The following STXBP5L variants were observed in gnomAD, a reference collection of about 807,000 sequenced individuals.
The protein encoded by STXBP5L is syntaxin binding protein 5L.
A neutral mutation model predicts 144.5 loss-of-function variants in STXBP5L; 65 were observed. That is an observed-to-expected ratio of 0.45 (90% CI 0.37 to 0.55). STXBP5L has a LOEUF of 0.55. Ranked by LOEUF, STXBP5L falls within the 20% of genes least tolerant of loss-of-function variation. The pLI, the probability that STXBP5L is intolerant of heterozygous loss-of-function variation, is 0.00. For synonymous variants in STXBP5L, 505 were observed against 469.6 expected (o/e 1.08, Z -0.97); for missense variants, 1,298 against 1,405.5 (o/e 0.92, Z 1.22).
At chr3:121,193,788 A>G (rs1315389820) in intron 9 of STXBP5L, among the ~76,000 whole-genome samples, 1 of 152,118 alleles carries the variant, frequency 6.6e-6, no homozygotes, top group Non-Finnish European at 1.5e-5. Flanking sequence ...ACACTTGGAC[A>G]CAGGACAGGG....
chr3:121,396,216 G>A (rs2046726370), intron 22 of STXBP5L, among the ~76,000 whole-genome samples: 1 of 152,200 alleles, frequency 6.6e-6, no homozygotes, highest in African/African-American at 2.4e-5. Context: ...TATCTGCAGT[G>A]TTCCATATTC....
At chr3:121,223,194 C>G (rs1413196877) in intron 11 of STXBP5L, 37 bp downstream of exon 11, 2 of 1,551,504 alleles carry the variant, frequency 1.3e-6, no homozygotes, top group South Asian at 2.5e-5. Flanking sequence ...TGTTGAAAAT[C>G]ATTTTGGAAA....
intron 9 of STXBP5L, among the ~76,000 whole-genome samples, chr3:121,176,753 C>A (rs2046953257): frequency 6.6e-6 from 1 of 151,422 alleles, no homozygotes. Flanking sequence ...ATAAGGGTGA[C>A]TGAGAAAAGG....
intron 20 of STXBP5L, among the ~76,000 whole-genome samples, chr3:121,350,842 A>T (rs566882764): frequency 3.0e-4 from 45 of 152,070 alleles, no homozygotes; most frequent in Admixed American, 1.2e-3. Context: ...TCCATTGGTT[A>T]TTCTAGTAGC....
intron 17 of STXBP5L, 37 bp downstream of exon 17, chr3:121,257,370 T>C: frequency 6.5e-7 from 1 of 1,539,720 alleles, no homozygotes; most frequent in Non-Finnish European, 8.9e-7. Flanking sequence ...CAATTTTAGA[T>C]ATTAATCATA....
chr3:120,936,328 GT>G (rs1411110153), intron 2 of STXBP5L, among the ~76,000 whole-genome samples: 1 of 152,110 alleles, frequency 6.6e-6, no homozygotes, highest in African/African-American at 2.4e-5. Flanking sequence ...GTCTGATGCA[GT>G]TTTTGACACT....
intron 8 of STXBP5L, among the ~76,000 whole-genome samples, chr3:121,156,763 A>G (rs1337811488): frequency 1.3e-5 from 2 of 151,940 alleles, no homozygotes; most frequent in Non-Finnish European, 2.9e-5. Flanking sequence ...TAATACAAAT[A>G]AAAAGACAGT....
At chr3:121,008,581 A>C (rs1944528048) in intron 3 of STXBP5L, among the ~76,000 whole-genome samples, 1 of 152,028 alleles carries the variant, frequency 6.6e-6, no homozygotes, top group Admixed American at 6.6e-5. Context: ...CCTCATCTTG[A>C]ATAATAACAC....
chr3:121,187,361 T>G (rs2047431475), intron 9 of STXBP5L, among the ~76,000 whole-genome samples: 1 of 121,520 alleles, frequency 8.2e-6, no homozygotes, highest in Non-Finnish European at 1.6e-5. Flanking sequence ...AGAGAACACA[T>G]GGACACAGGA....
At chr3:121,245,095 TAAC>T (rs1203453586) in intron 14 of STXBP5L, among the ~76,000 whole-genome samples, 1 of 152,042 alleles carries the variant, frequency 6.6e-6, no homozygotes, top group Non-Finnish European at 1.5e-5. Context: ...ATTTAAACAA[TAAC>T]AACATAAAAA....
In STXBP5L at chr3:121,078,858, C is replaced by T. The variant is rs535927665; in HGVS notation, c.470+33323C>T. Among the ~76,000 whole-genome samples the T allele has an allele frequency of 9.6e-4, 147 of 152,376 alleles. 1 individual carries two copies. Among genetic ancestry groups the T allele is most frequent in the African/African-American group, 3.0e-3 (125 of 41,594 alleles). On this transcript the variant is annotated intron_variant, in intron 5 of 26. Coordinates refer to ENST00000471454, the MANE Select transcript of STXBP5L (RefSeq NM_001308330.2). ...GGCCGGCTGCTCTGAGTGCGGGGCC[C>T]GCCAAGCCCATGCCCACCCAGAACT...
intron 7 of STXBP5L, among the ~76,000 whole-genome samples, chr3:121,131,154 A>G (rs1283910696): frequency 6.6e-6 from 1 of 152,134 alleles, no homozygotes; most frequent in Non-Finnish European, 1.5e-5. Flanking sequence ...TAATCAAGAA[A>G]AACAGGGAGA....
intron 5 of STXBP5L, among the ~76,000 whole-genome samples, chr3:121,111,877 G>T (rs959233098): frequency 6.6e-6 from 1 of 152,158 alleles, no homozygotes; most frequent in Admixed American, 6.5e-5. Flanking sequence ...CTCCTGCAAG[G>T]GGCTCTATCC....
At chr3:121,122,500 A>C (rs2044512701) in intron 7 of STXBP5L, among the ~76,000 whole-genome samples, 1 of 151,420 alleles carries the variant, frequency 6.6e-6, no homozygotes, top group South Asian at 2.1e-4. Flanking sequence ...AAAGAAATAC[A>C]GTGTTATATT....
intron 5 of STXBP5L, among the ~76,000 whole-genome samples, chr3:121,113,124 G>C (rs973122524): frequency 6.6e-6 from 1 of 152,148 alleles, no homozygotes; most frequent in African/African-American, 2.4e-5. Flanking sequence ...TCAAGGAATA[G>C]TTCTAGTTCT....
At chr3:121,158,776 G>C (rs1381622978) in intron 9 of STXBP5L, 1 of 152,086 alleles carries the variant, frequency 6.6e-6, no homozygotes, top group Non-Finnish European at 1.5e-5. Flanking sequence ...TATAATATGA[G>C]CTAGTCATAA....
chr3:121,095,191 C>T (rs955817750), intron 5 of STXBP5L, among the ~76,000 whole-genome samples: 2 of 152,112 alleles, frequency 1.3e-5, no homozygotes, highest in African/African-American at 4.8e-5. Flanking sequence ...TGTGGGTAAC[C>T]CGACCTCTCT....
chr3:121,096,301 T>C (rs1456167638), intron 5 of STXBP5L, among the ~76,000 whole-genome samples: 2 of 152,232 alleles, frequency 1.3e-5, no homozygotes, highest in African/African-American at 2.4e-5. Flanking sequence ...GGTTAGAATA[T>C]GCTCCTTTAG....
At chr3:121,399,016 G>A (rs1380693953) in intron 22 of STXBP5L, among the ~76,000 whole-genome samples, 1 of 152,072 alleles carries the variant, frequency 6.6e-6, no homozygotes, top group Non-Finnish European at 1.5e-5. Flanking sequence ...TGGAGGGTCA[G>A]GCCACTCTTT....
Sources: gnomAD v4.1 joint callset for allele counts (sites outside exome capture counted in the v4.1 genomes callset) on GRCh38, gnomAD v4.1.1 for gene constraint, MANE v1.5 for transcripts, NCBI Gene and HGNC (gene_info 2026-07-23, HGNC 2026-07-21) for gene names.